Variants in SLC20A2 observed in about 807,000 individuals in gnomAD.
SLC20A2 encodes the protein solute carrier family 20 member 2.
A neutral mutation model predicts 61.0 loss-of-function variants in SLC20A2; 30 were observed. That is an observed-to-expected ratio of 0.49 (90% CI 0.37 to 0.67). SLC20A2 has a LOEUF of 0.67. Among genes scored for constraint, SLC20A2 ranks in the 30% least tolerant of loss-of-function variants. The pLI is 0.00. For missense variants in SLC20A2, 626 were observed against 866.4 expected, an observed-to-expected ratio of 0.72 and a Z score of 3.48; for synonymous variants, 351 against 353.3, an observed-to-expected ratio of 0.99 and a Z score of 0.07.
intron 1 of SLC20A2, among the ~76,000 whole-genome samples, chr8:42,534,171 C>T (rs538336417): frequency 1.3e-4 from 19 of 151,942 alleles, no homozygotes; most frequent in Middle Eastern, 3.2e-3. Flanking sequence ...CCCAGCTACT[C>T]GGGAGCCCAA....
rs1034064638 is a variant in SLC20A2, at chr8:42,459,751, A to C, written c.613+145T>G. On this transcript the variant is annotated intron_variant, in intron 5 of 10. Transcript: ENST00000520262. ...ATGACCATGAGTAACGCATTTTACT[A>C]TCAGCCAACAACTCCAGCACCTATT... is the stretch of plus-strand genomic sequence containing the variant. The C allele has an allele frequency of 1.6e-5, 9 of 560,544 alleles. No homozygotes were observed. The African/African-American group carries it at 1.7e-4, about 11-fold the overall frequency. The allele number at this position is 560,544 out of a possible 1,614,324, so 34.7% of individuals were successfully genotyped here. A position where few individuals can be genotyped will look rare whatever the true frequency, so the allele number is the denominator to read the frequency against.
At chr8:42,539,771 T>C (rs1316630413) in intron 1 of SLC20A2, among the ~76,000 whole-genome samples, 1 of 152,230 alleles carries the variant, frequency 6.6e-6, no homozygotes, top group Non-Finnish European at 1.5e-5. Flanking sequence ...CTTTTTCCAA[T>C]GTCCTAGCAT....
chr8:42,463,196 G>C, intron 3 of SLC20A2, 106 bp from the exon 4 acceptor site: 1 of 642,294 alleles, frequency 1.6e-6, no homozygotes, highest in East Asian at 3.0e-5. Flanking sequence ...ACATTCATAA[G>C]TATTTCCAGA....
intron 1 of SLC20A2, among the ~76,000 whole-genome samples, chr8:42,507,887 C>T (rs745685767): frequency 9.9e-5 from 15 of 152,172 alleles, no homozygotes; most frequent in Non-Finnish European, 1.5e-4. Flanking sequence ...TGGCCCGGCG[C>T]GGTGGCTCAT....
chr8:42,510,511 A>T (rs1375744420), intron 1 of SLC20A2, among the ~76,000 whole-genome samples: 2 of 152,244 alleles, frequency 1.3e-5, no homozygotes, highest in Admixed American at 1.3e-4. Flanking sequence ...TTTGATACAC[A>T]GTATAAAATA....
At chr8:42,444,406 T>G (rs564930265) in intron 6 of SLC20A2, among the ~76,000 whole-genome samples, 1 of 152,356 alleles carries the variant, frequency 6.6e-6, no homozygotes, top group Admixed American at 6.5e-5. Flanking sequence ...AGAACTGCAC[T>G]GCACGGTTAA....
At chr8:42,492,228 C>T (rs550200272) in intron 1 of SLC20A2, among the ~76,000 whole-genome samples, 29 of 152,136 alleles carry the variant, frequency 1.9e-4, no homozygotes, top group Non-Finnish European at 3.1e-4. Flanking sequence ...TGGTAGTGGG[C>T]GCCTGTAATC....
intron 5 of SLC20A2, among the ~76,000 whole-genome samples, chr8:42,449,221 G>A (rs1805466064): frequency 6.6e-6 from 1 of 152,178 alleles, no homozygotes; most frequent in Non-Finnish European, 1.5e-5. Flanking sequence ...CACAGCCTCA[G>A]TGGCTCGTGT....
chr8:42,516,221 C>A (rs539768727), intron 1 of SLC20A2, among the ~76,000 whole-genome samples: 1 of 152,186 alleles, frequency 6.6e-6, no homozygotes. Context: ...AGATAAAAAT[C>A]GGTTATTTTT....
intron 4 of SLC20A2, among the ~76,000 whole-genome samples, chr8:42,461,070 C>A (rs1243746229): frequency 2.0e-5 from 3 of 152,184 alleles, no homozygotes; most frequent in African/African-American, 7.2e-5. Flanking sequence ...TCTCAAGGAG[C>A]CAAGAGCACT....
At position 42,509,692 on chromosome 8, in the gene SLC20A2, T is replaced by G. The variant is rs192894976; in HGVS notation, c.-265+32129A>C. Among the ~76,000 whole-genome samples, 144 of 152,280 alleles carry G rather than the reference T, an allele frequency of 9.5e-4. 6 individuals carry two copies. The East Asian group carries it at 0.014, about 15-fold the overall frequency. ...TATCTTGGGTCCAGGAGTTTGAGGC[T>G]GCAGTGAGTTATGATTGTGCCAATG... is the stretch of plus-strand genomic sequence containing the variant. On this transcript the variant is annotated intron_variant, in intron 1 of 10. Coordinates refer to the SLC20A2 transcript ENST00000342228.
chr8:42,519,054 C>T (rs1811486359), intron 1 of SLC20A2, among the ~76,000 whole-genome samples: 1 of 152,214 alleles, frequency 6.6e-6, no homozygotes, highest in Non-Finnish European at 1.5e-5. Flanking sequence ...GCACTGTACT[C>T]AAACTGTAAG....
chr8:42,468,159 C>T (rs1563493146), intron 2 of SLC20A2, among the ~76,000 whole-genome samples: 1 of 152,160 alleles, frequency 6.6e-6, no homozygotes, highest in Non-Finnish European at 1.5e-5. Context: ...GCCTCGGCCT[C>T]CCAAAGTGCT....
chr8:42,436,730 A>T (rs1804291483), intron 8 of SLC20A2, among the ~76,000 whole-genome samples: 1 of 152,182 alleles, frequency 6.6e-6, no homozygotes, highest in African/African-American at 2.4e-5. Context: ...GTCACCGGCC[A>T]GCCCTTCCCT....
chr8:42,490,957 TCTTA>T (rs1809465333), intron 1 of SLC20A2, among the ~76,000 whole-genome samples: 1 of 152,192 alleles, frequency 6.6e-6, no homozygotes, highest in Admixed American at 6.5e-5. Context: ...CATTCATCTC[TCTTA>T]CTTTTGCTTT....
chr8:42,451,381 T>C (rs1346480747), intron 5 of SLC20A2, among the ~76,000 whole-genome samples: 1 of 80,394 alleles, frequency 1.2e-5, no homozygotes, highest in African/African-American at 5.2e-5. Context: ...GAGGAAGAGA[T>C]GAAGAGGAGG....
intron 1 of SLC20A2, among the ~76,000 whole-genome samples, chr8:42,479,103 C>T (rs370848953): frequency 2.0e-5 from 3 of 152,148 alleles, no homozygotes; most frequent in South Asian, 2.1e-4. Flanking sequence ...GGCCAGCCTA[C>T]GGACCTCTCT....
chr8:42,529,668 A>G (rs941100262), intron 1 of SLC20A2, among the ~76,000 whole-genome samples: 1 of 152,218 alleles, frequency 6.6e-6, no homozygotes, highest in African/African-American at 2.4e-5. Context: ...TCTGCTAACA[A>G]GACATACATT....
At chr8:42,430,891 C>T (rs925072184) in intron 8 of SLC20A2, among the ~76,000 whole-genome samples, 1 of 152,124 alleles carries the variant, frequency 6.6e-6, no homozygotes. Flanking sequence ...ATGAACTGTT[C>T]CCATATGAGA....
Sources: gnomAD v4.1 joint callset for allele counts (sites outside exome capture counted in the v4.1 genomes callset) on GRCh38, gnomAD v4.1.1 for gene constraint, MANE v1.5 for transcripts, NCBI Gene and HGNC (gene_info 2026-07-23, HGNC 2026-07-21) for gene names.